Variants in FUBP1 observed in about 807,000 individuals in gnomAD.
FUBP1 encodes the protein far upstream element binding protein 1, also known as far upstream element-binding protein 1.
FUBP1 carries 16 observed loss-of-function variants against 94.9 expected under a neutral mutation model. The observed-to-expected ratio is 0.17, with a 90% CI of 0.11 to 0.26. The LOEUF is 0.26. Among genes scored for constraint, FUBP1 ranks in the 10% least tolerant of loss-of-function variants. The pLI is 1.00. For missense variants in FUBP1, 583 were observed against 808.6 expected (o/e 0.72, Z 3.38); for synonymous variants, 279 against 254.9 (o/e 1.09, Z -0.90).
intron 1 of FUBP1, among the ~76,000 whole-genome samples, chr1:77,974,957 T>C (rs1446230285): frequency 6.6e-6 from 1 of 152,218 alleles, no homozygotes; most frequent in Non-Finnish European, 1.5e-5. Flanking sequence ...GTTCCTTATA[T>C]AAAATGGTAC....
chr1:77,974,668 G>T (rs1004172574), intron 1 of FUBP1, among the ~76,000 whole-genome samples: 3 of 152,148 alleles, frequency 2.0e-5, no homozygotes, highest in African/African-American at 7.2e-5. Flanking sequence ...CGTTAATACT[G>T]TGTCTGATTT....
intron 1 of FUBP1, 25 bp from the exon 2 acceptor site, chr1:77,970,040 A>T: frequency 8.2e-7 from 1 of 1,222,138 alleles, no homozygotes; most frequent in Non-Finnish European, 1.2e-6. Flanking sequence ...GAAAAATACC[A>T]TCATAAACTA....
At chr1:77,960,520 A>G in intron 14 of FUBP1, 25 bp from the exon 15 acceptor site, 1 of 1,574,926 alleles carries the variant, frequency 6.3e-7, no homozygotes, top group South Asian at 1.1e-5. Context: ...ATGACATAGA[A>G]AAATCAGAAA....
Position 77,947,680 on chromosome 1 carries a change from T to C in FUBP1, c.*1086A>G, listed in dbSNP as rs1652440210. 1 of 620,516 alleles carries C rather than the reference T, an allele frequency of 1.6e-6. No individual in the cohort carries two copies. The highest frequency in any genetic ancestry group is 2.4e-5 in the Admixed American group (1 of 41,750). The allele number at this position is 620,516 out of a possible 1,614,324, so 38.4% of individuals were successfully genotyped here. ...CAAAATATCAGAACTTCAGCATGAGTGTTAAAGAGTAATAAAATGACTTCA... is the reference window on the plus strand; with the variant it reads ...CAAAATATCAGAACTTCAGCATGAGCGTTAAAGAGTAATAAAATGACTTCA... On this transcript the variant is annotated 3_prime_UTR_variant, in exon 20 of 20. Coordinates refer to ENST00000370768, the MANE Select transcript of FUBP1 (RefSeq NM_003902.5).
intron 16 of FUBP1, among the ~76,000 whole-genome samples, chr1:77,957,035 C>T (rs773744578): frequency 4.4e-4 from 67 of 152,090 alleles, no homozygotes; most frequent in Non-Finnish European, 6.6e-4. Flanking sequence ...AAATTGGTTT[C>T]GCCTCAAGCA....
At position 77,947,770 on chromosome 1, in the gene FUBP1, T is replaced by C. The variant is rs1652459505; in HGVS notation, c.*996A>G. 3 of 654,736 alleles carry C rather than the reference T, an allele frequency of 4.6e-6. No individual in the cohort carries two copies. The highest frequency in any genetic ancestry group is 4.4e-5 in the East Asian group (1 of 22,696). The allele number at this position is 654,736 out of a possible 1,614,324, so 40.6% of individuals were successfully genotyped here. A position where few individuals can be genotyped will look rare whatever the true frequency, so the allele number is the denominator to read the frequency against. ...GTGCATTTACAAAACAAAGCTTATC[T>C]ATACTGCATAAAGAAAAAAAAAAAG... On this transcript the variant is annotated 3_prime_UTR_variant, in exon 20 of 20. Coordinates refer to ENST00000370768, the MANE Select transcript of FUBP1 (RefSeq NM_003902.5).
chr1:77,969,163 C>T (rs974728369), intron 2 of FUBP1: 1 of 459,250 alleles, frequency 2.2e-6, no homozygotes, highest in African/African-American at 2.1e-5. Context: ...CATTAAAAAC[C>T]TCACTATAAA....
chr1:77,975,943 G>A (rs1311792473), intron 1 of FUBP1, among the ~76,000 whole-genome samples: 1 of 151,448 alleles, frequency 6.6e-6, no homozygotes, highest in Non-Finnish European at 1.5e-5. Context: ...TAACATTACT[G>A]GCATTACCAG....
chr1:77,962,466 A>G (rs1465608591), intron 14 of FUBP1, among the ~76,000 whole-genome samples: 2 of 152,140 alleles, frequency 1.3e-5, no homozygotes, highest in Non-Finnish European at 2.9e-5. Flanking sequence ...CCCGTTAACT[A>G]TGTCCTTCAA....
chr1:77,959,302 T>A (rs192261353), intron 16 of FUBP1, among the ~76,000 whole-genome samples: 15 of 152,232 alleles, frequency 9.9e-5, no homozygotes, highest in Admixed American at 9.2e-4. Context: ...GAAAGCAAAC[T>A]ACAGGGTATG....
At position 77,969,921 on chromosome 1, in the gene FUBP1, T is replaced by C. The variant is rs750493525; in HGVS notation, c.211+4A>G. ...CAATTTAAAATACTTAGAGTATAAC[T>C]TACCTCCATCTTCTAAAGGTCTTTT... On this transcript the variant is annotated splice_donor_region_variant and intron_variant, in intron 2 of 19. Coordinates refer to ENST00000370768, the MANE Select transcript of FUBP1 (RefSeq NM_003902.5). 1 of 1,350,586 alleles carries C rather than the reference T, an allele frequency of 7.4e-7. No individual in the cohort carries two copies. The highest frequency in any genetic ancestry group is 1.2e-5 in the South Asian group (1 of 82,720). 83.7% of individuals were successfully genotyped at this position (1,350,586 alleles called of 1,614,324 possible).
chr1:77,972,555 CCTGA>C (rs1463366325), intron 1 of FUBP1, among the ~76,000 whole-genome samples: 1 of 150,148 alleles, frequency 6.7e-6, no homozygotes, highest in Non-Finnish European at 1.5e-5. Context: ...TCAAGACCAG[CCTGA>C]CTGACATGGT....
chr1:77,967,719 T>A, intron 3 of FUBP1, 53 bp from the exon 4 acceptor site: 1 of 1,059,844 alleles, frequency 9.4e-7, no homozygotes, highest in Non-Finnish European at 1.4e-6. Flanking sequence ...TAAATTTACT[T>A]ATATATTTAA....
rs1246351962 is a variant in FUBP1 at position 77,948,176 on chromosome 1, GA to G, written c.*589del. On this transcript the variant is annotated 3_prime_UTR_variant, in exon 20 of 20. Coordinates refer to ENST00000370768, the MANE Select transcript of FUBP1 (RefSeq NM_003902.5). ...CATGCAGTTTTTAATCAAACAGAAGGAAAAAAAATGAAGATATCAGGATTAC... is the reference window on the plus strand; with the variant it reads ...CATGCAGTTTTTAATCAAACAGAAGGAAAAAAATGAAGATATCAGGATTAC... 1.1e-5 allele frequency: 11 copies of G among 1,040,894 alleles called. No individual in the cohort carries two copies. Among genetic ancestry groups the G allele is most frequent in the African/African-American group, 1.7e-5 (1 of 59,590 alleles). The allele number at this position is 1,040,894 out of a possible 1,614,324, so 64.5% of individuals were successfully genotyped here. A position where few individuals can be genotyped will look rare whatever the true frequency, so the allele number is the denominator to read the frequency against.
At chr1:77,953,090 C>T (rs981165627) in intron 18 of FUBP1, among the ~76,000 whole-genome samples, 3 of 151,122 alleles carry the variant, frequency 2.0e-5, no homozygotes, top group Non-Finnish European at 4.4e-5. Flanking sequence ...GAGACGAAAT[C>T]GCACCATTGC....
chr1:77,964,026 A>G (rs2102389440), intron 12 of FUBP1, 36 bp downstream of exon 12: 1 of 1,275,406 alleles, frequency 7.8e-7, no homozygotes, highest in Non-Finnish European at 1.1e-6. Context: ...CTTTTCCATA[A>G]AAACAAAAAA....
At chr1:77,966,022 A>G (rs1217886558) in intron 7 of FUBP1, among the ~76,000 whole-genome samples, 1 of 152,262 alleles carries the variant, frequency 6.6e-6, no homozygotes, top group East Asian at 1.9e-4. Flanking sequence ...TCTCAAAAAA[A>G]AGAAAAGAAA....
Position 77,960,381 on chromosome 1 carries a change from C to G in FUBP1, c.1459G>C (p.Ala487Pro), listed in dbSNP as rs754110069. Residue 487 changes from alanine to proline, a missense_variant, in exon 15 of 20, where the codon GCA becomes CCA. Ala to Pro is a conservative substitution (Grantham distance 27). Coordinates refer to ENST00000370768, the MANE Select transcript of FUBP1 (RefSeq NM_003902.5). ...PGTPMGPYNP[A>P]PYNPGPPGPA... Reference sequence around the variant, plus strand: ...CCTGGTGGTCCAGGATTATAAGGTGCAGGGTTGTATGGTCCCATTGGAGTT... The same window carrying G: ...CCTGGTGGTCCAGGATTATAAGGTGGAGGGTTGTATGGTCCCATTGGAGTT... The G allele has an allele frequency of 1.2e-6, 2 of 1,606,154 alleles. No individual in the cohort carries two copies. Among genetic ancestry groups the G allele is most frequent in the Non-Finnish European group, 1.7e-6 (2 of 1,178,466 alleles).
intron 18 of FUBP1, 152 bp from the exon 19 acceptor site, chr1:77,949,452 A>C (rs555257276): frequency 3.4e-6 from 2 of 594,622 alleles, no homozygotes; most frequent in South Asian, 4.8e-5. Flanking sequence ...AAAAACCCCT[A>C]AACTTTAATA....
Sources: gnomAD v4.1 joint callset for allele counts (sites outside exome capture counted in the v4.1 genomes callset) on GRCh38, gnomAD v4.1.1 for gene constraint, MANE v1.5 for transcripts, NCBI Gene and HGNC (gene_info 2026-07-23, HGNC 2026-07-21) for gene names.